ADAMTSL1: variants seen among roughly 807,000 people sequenced by gnomAD.
ADAMTSL1 encodes the protein ADAMTS like 1.
Under a neutral mutation model 201.8 loss-of-function variants are expected in ADAMTSL1, and 126 were observed. The ratio of observed to expected loss-of-function variants is 0.62; its 90% CI spans 0.54 to 0.72. The LOEUF (loss-of-function observed/expected upper bound fraction) is 0.72. Ranked by LOEUF, ADAMTSL1 falls within the 30% of genes least tolerant of loss-of-function variation. ADAMTSL1 has a pLI of 0.00. For missense variants in ADAMTSL1, 2,679 were observed against 2,277.8 expected, an observed-to-expected ratio of 1.18 and a Z score of -3.59; for synonymous variants, 1,121 against 903.4, an observed-to-expected ratio of 1.24 and a Z score of -4.32.
chr9:18,432,389 T>A (rs1422823504), intron 2 of ADAMTSL1, among the ~76,000 whole-genome samples: 1 of 152,220 alleles, frequency 6.6e-6, no homozygotes, highest in Non-Finnish European at 1.5e-5. Flanking sequence ...TCAACTAGAA[T>A]CTTATGTAGC....
chr9:18,165,782 C>T (rs929380438), intron 2 of ADAMTSL1, among the ~76,000 whole-genome samples: 5 of 152,026 alleles, frequency 3.3e-5, no homozygotes, highest in Non-Finnish European at 5.9e-5. Context: ...TGTCTCCATA[C>T]GTGAGAGCTT....
chr9:18,449,354 A>G (rs951565591), intron 2 of ADAMTSL1, among the ~76,000 whole-genome samples: 1 of 151,810 alleles, frequency 6.6e-6, no homozygotes, highest in Non-Finnish European at 1.5e-5. Context: ...AACAGTGATT[A>G]GAGCCAACAC....
chr9:18,821,252 T>C (rs1018086503), intron 21 of ADAMTSL1, among the ~76,000 whole-genome samples: 12 of 152,176 alleles, frequency 7.9e-5, no homozygotes, highest in African/African-American at 2.7e-4. Flanking sequence ...AGAAGGTTTA[T>C]TTTTGCTTAT....
intron 2 of ADAMTSL1, among the ~76,000 whole-genome samples, chr9:18,225,565 T>C (rs1479691923): frequency 6.6e-6 from 1 of 152,132 alleles, no homozygotes; most frequent in African/African-American, 2.4e-5. Context: ...TTTTCATATT[T>C]AAAAGCAATC....
At chr9:17,966,560 G>A (rs761357693) in intron 1 of ADAMTSL1, among the ~76,000 whole-genome samples, 3 of 152,072 alleles carry the variant, frequency 2.0e-5, no homozygotes, top group Non-Finnish European at 4.4e-5. Context: ...AAATGTGATT[G>A]AGCAGAATGT....
At chr9:18,788,209 T>C (rs1821813517) in intron 19 of ADAMTSL1, among the ~76,000 whole-genome samples, 1 of 152,158 alleles carries the variant, frequency 6.6e-6, no homozygotes, top group Non-Finnish European at 1.5e-5. Context: ...AATTCTCCCT[T>C]GCAAGCCTCT....
At chr9:18,178,433 A>G (rs373609473) in intron 2 of ADAMTSL1, among the ~76,000 whole-genome samples, 9 of 152,070 alleles carry the variant, frequency 5.9e-5, no homozygotes, top group South Asian at 4.2e-4. Flanking sequence ...ACTGCAAGGC[A>G]GCAGCGAGGC....
At chr9:18,081,784 A>T (rs1314106666) in intron 1 of ADAMTSL1, among the ~76,000 whole-genome samples, 2 of 152,122 alleles carry the variant, frequency 1.3e-5, no homozygotes, top group Non-Finnish European at 2.9e-5. Flanking sequence ...TAGACTTTAA[A>T]GATTATTAAA....
chr9:18,847,667 GAGA>G (rs1176067115), intron 23 of ADAMTSL1, among the ~76,000 whole-genome samples: 1 of 72,840 alleles, frequency 1.4e-5, no homozygotes, highest in Admixed American at 1.6e-4. Flanking sequence ...GAGAAGAGAG[GAGA>G]AGAGCATCCC....
intron 15 of ADAMTSL1, among the ~76,000 whole-genome samples, chr9:18,738,690 G>T (rs1252850566): frequency 6.6e-6 from 1 of 152,080 alleles, no homozygotes; most frequent in African/African-American, 2.4e-5. Flanking sequence ...AATTCTCTGT[G>T]GCCTACAGAA....
chr9:18,721,299 G>A (rs1833351576), intron 14 of ADAMTSL1, among the ~76,000 whole-genome samples: 1 of 152,122 alleles, frequency 6.6e-6, no homozygotes, highest in Non-Finnish European at 1.5e-5. Flanking sequence ...TTCTGTGGGG[G>A]AGTTGCCCTC....
chr9:18,793,845 C>A (rs536545737), intron 19 of ADAMTSL1, among the ~76,000 whole-genome samples: 1 of 152,262 alleles, frequency 6.6e-6, no homozygotes, highest in South Asian at 2.1e-4. Context: ...TATCAGCCAG[C>A]CTCACTAAGT....
chr9:18,258,218 T>C (rs537747832), intron 2 of ADAMTSL1, among the ~76,000 whole-genome samples: 41 of 152,380 alleles, frequency 2.7e-4, no homozygotes, highest in African/African-American at 8.7e-4. Context: ...TTATGTTGTA[T>C]GTATTTACCA....
chr9:18,130,155 A>G (rs1451619488), intron 1 of ADAMTSL1, among the ~76,000 whole-genome samples: 3 of 152,090 alleles, frequency 2.0e-5, no homozygotes, highest in African/African-American at 4.8e-5. Flanking sequence ...AACCTCAGCT[A>G]CTTATGCTTC....
At chr9:18,661,423 A>G (rs1829085812) in intron 8 of ADAMTSL1, among the ~76,000 whole-genome samples, 1 of 152,186 alleles carries the variant, frequency 6.6e-6, no homozygotes, top group Admixed American at 6.5e-5. Context: ...TTGGGCAAAA[A>G]TAATGTTCCC....
chr9:18,618,529 A>G (rs1253041437), intron 4 of ADAMTSL1, among the ~76,000 whole-genome samples: 4 of 75,732 alleles, frequency 5.3e-5, no homozygotes, highest in Non-Finnish European at 1.2e-4. Context: ...GGTATACATG[A>G]AAAAAAAAAC....
chr9:18,821,016 G>C (rs369086643), intron 21 of ADAMTSL1, among the ~76,000 whole-genome samples: 1 of 152,308 alleles, frequency 6.6e-6, no homozygotes, highest in East Asian at 1.9e-4. Flanking sequence ...GGCTGAGGAG[G>C]TGTGGGTAGG....
intron 2 of ADAMTSL1, among the ~76,000 whole-genome samples, chr9:18,178,267 A>G (rs1257209585): frequency 6.6e-6 from 1 of 152,174 alleles, no homozygotes; most frequent in Non-Finnish European, 1.5e-5. Flanking sequence ...GGGGTGACAG[A>G]CGGCACCTGG....
chr9:18,182,234 C>T (rs1227894147), intron 2 of ADAMTSL1, among the ~76,000 whole-genome samples: 1 of 148,422 alleles, frequency 6.7e-6, no homozygotes, highest in Non-Finnish European at 1.5e-5. Flanking sequence ...CACATGTATA[C>T]ATATGTAACA....
Sources: allele counts gnomAD v4.1 joint callset (sites outside exome capture counted in the v4.1 genomes callset), GRCh38; gene constraint gnomAD v4.1.1; transcripts MANE v1.5; gene names NCBI Gene and HGNC (gene_info 2026-07-23, HGNC 2026-07-21).